Variants in LMNB2 observed in about 807,000 individuals in gnomAD.
LMNB2 encodes lamin-B2.
In LMNB2, 17 loss-of-function variants were observed where a neutral mutation model predicts 69.3. The ratio of observed to expected loss-of-function variants is 0.25; its 90% CI spans 0.17 to 0.37. LMNB2 has a LOEUF of 0.37. LMNB2 is among the 10% of genes least tolerant of loss of function. The pLI is 1.00. For missense variants in LMNB2, 789 were observed against 883.6 expected, an observed-to-expected ratio of 0.89 and a Z score of 1.36; for synonymous variants, 397 against 389.3, an observed-to-expected ratio of 1.02 and a Z score of -0.23.
intron 1 of LMNB2, among the ~76,000 whole-genome samples, chr19:2,455,434 T>A (rs1371763506): frequency 6.6e-6 from 1 of 151,920 alleles, no homozygotes; most frequent in Non-Finnish European, 1.5e-5. Flanking sequence ...CAAGTCTCCT[T>A]GGAATCCTCT....
At chr19:2,437,681 A>G (rs1233018577) in intron 4 of LMNB2, among the ~76,000 whole-genome samples, 2 of 151,842 alleles carry the variant, frequency 1.3e-5, no homozygotes, top group Non-Finnish European at 2.9e-5. Flanking sequence ...CACGCCTATA[A>G]TCCAGCTACT....
intron 8 of LMNB2, among the ~76,000 whole-genome samples, chr19:2,433,123 C>T (rs547396389): frequency 5.0e-4 from 65 of 128,756 alleles, no homozygotes; most frequent in Non-Finnish European, 6.5e-4. Context: ...CCGGCGGCCC[C>T]GTCACCCTGA....
rs1972052590 is a variant in LMNB2, at chr19:2,453,457, C to CT, written c.264+3212_264+3213insA. ...CCATGTGGGCCCACATGACGTCCCCCCACCAGCGGCCCCCACCCCAGCAGG... is the reference window on the plus strand; with the variant it reads ...CCATGTGGGCCCACATGACGTCCCCCTCACCAGCGGCCCCCACCCCAGCAGG... On this transcript the variant is annotated intron_variant, in intron 1 of 11. Coordinates refer to ENST00000325327, the MANE Select transcript of LMNB2 (RefSeq NM_032737.4). The surrounding 1 kb of genome is among the most constrained non-coding windows in gnomAD (Gnocchi z 4.4). Among the ~76,000 whole-genome samples the CT allele has an allele frequency of 6.6e-6, 1 of 152,030 alleles. No individual in the cohort carries two copies. The highest frequency in any genetic ancestry group is 1.5e-5 in the Non-Finnish European group (1 of 67,994).
chr19:2,444,618 G>T, intron 1 of LMNB2, 78 bp from the exon 2 acceptor site: 1 of 1,563,094 alleles, frequency 6.4e-7, no homozygotes, highest in Non-Finnish European at 8.7e-7. Flanking sequence ...CCGGCCACTG[G>T]CCCTGCTCAG....
chr19:2,454,642 C>CA (rs372288480), intron 1 of LMNB2, among the ~76,000 whole-genome samples: 12 of 152,296 alleles, frequency 7.9e-5, no homozygotes, highest in African/African-American at 2.9e-4. Flanking sequence ...CTCTGATCTC[C>CA]AGATGGGCGA....
intron 1 of LMNB2, among the ~76,000 whole-genome samples, chr19:2,448,501 A>G (rs1047439664): frequency 7.9e-5 from 12 of 152,336 alleles, no homozygotes; most frequent in African/African-American, 1.2e-4. Context: ...TGGCAGCCAC[A>G]CGCACAGAGG....
chr19:2,438,577 G>A, intron 2 of LMNB2, 46 bp from the exon 3 acceptor site: 1 of 1,594,118 alleles, frequency 6.3e-7, no homozygotes. Context: ...AAGGTCCATG[G>A]GGCCACAGGG....
At chr19:2,434,241 C>T (rs1380566323) in intron 7 of LMNB2, 54 bp downstream of exon 7, 15 of 1,595,836 alleles carry the variant, frequency 9.4e-6, no homozygotes, top group East Asian at 6.8e-5. Context: ...GCCTCTCCTC[C>T]TGCCCTGCCC....
At chr19:2,450,123 T>C (rs936935211) in intron 1 of LMNB2, among the ~76,000 whole-genome samples, 104 of 135,154 alleles carry the variant, frequency 7.7e-4, no homozygotes, top group South Asian at 9.1e-4. Context: ...TATATACACA[T>C]ATATATATAT....
intron 2 of LMNB2, among the ~76,000 whole-genome samples, chr19:2,439,065 T>A (rs1220600987): frequency 1.6e-4 from 20 of 128,446 alleles, no homozygotes; most frequent in African/African-American, 5.4e-4. Flanking sequence ...TTTTTTTTTT[T>A]AAGAGACAGG....
rs956435408 is a variant in LMNB2, at chr19:2,453,884, T to C, written c.264+2786A>G. On this transcript the variant is annotated intron_variant, in intron 1 of 11. Coordinates refer to ENST00000325327, the MANE Select transcript of LMNB2 (RefSeq NM_032737.4). This position sits in a 1 kb window ranked among gnomAD's most constrained non-coding sequence, Gnocchi z 4.4. ...AAAGACAAGAAACCAGCTCTAACCCTGCACGCCACGGGTCCAGCAGGCGGC... is the reference window on the plus strand; with the variant it reads ...AAAGACAAGAAACCAGCTCTAACCCCGCACGCCACGGGTCCAGCAGGCGGC... 1.3e-5 allele frequency among the ~76,000 whole-genome samples: 2 copies of C among 152,116 alleles called. No individual in the cohort carries two copies. The highest frequency in any genetic ancestry group is 2.9e-5 in the Non-Finnish European group (2 of 68,020).
intron 2 of LMNB2, among the ~76,000 whole-genome samples, chr19:2,441,182 A>G (rs1568205252): frequency 6.6e-6 from 1 of 152,208 alleles, no homozygotes; most frequent in Non-Finnish European, 1.5e-5. Context: ...CGGGGGTCAG[A>G]CAACCAGGTC....
rs1301596158 is a variant in LMNB2, at chr19:2,431,877, G to A, written c.1616C>T (p.Ala539Val). Residue 539 changes from alanine (A) to valine (V), a missense_variant, in exon 10 of 12, where the codon GCC (alanine) becomes GTC (valine). Ala to Val is a moderately conservative substitution (Grantham distance 64, BLOSUM62 0). Around this residue, in one of 3 missense-constraint regions of LMNB2, gnomAD observed 609 missense variants for 630.9 expected, o/e 0.97. Transcript: ENST00000325327. ...VTVWAAGAGVAHSPPSTLVWK... is the reference protein window; with the variant it reads ...VTVWAAGAGVVHSPPSTLVWK... ...CACCAGCGTCGAGGGGGGGCTGTGG[G>A]CCACCCCCGCACCAGCTGCCCACAC... The A allele has an allele frequency of 2.5e-6, 4 of 1,612,568 alleles. No individual in the cohort carries two copies. The South Asian group carries it at 4.4e-5, about 18-fold the overall frequency.
intron 1 of LMNB2, among the ~76,000 whole-genome samples, chr19:2,448,048 G>A (rs1046599784): frequency 1.3e-5 from 2 of 152,170 alleles, no homozygotes; most frequent in South Asian, 2.1e-4. Context: ...ATTGTAGGAC[G>A]GGGACCCACA....
chr19:2,428,281 G>C lies in LMNB2; in HGVS notation c.*2630C>G, dbSNP rs906601992. 1 of 152,038 alleles carries C rather than the reference G, an allele frequency of 6.6e-6. No homozygotes were observed. The highest frequency in any genetic ancestry group is 1.9e-4 in the East Asian group (1 of 5,206). The allele number at this position is 152,038 out of a possible 1,614,324, so 9.4% of individuals were successfully genotyped here. ...TTAGGCATGCATCTTCTTAAAAACCGAATCTCTGAAATGAAAGTCCATGCC... is the reference window on the plus strand; with the variant it reads ...TTAGGCATGCATCTTCTTAAAAACCCAATCTCTGAAATGAAAGTCCATGCC... On this transcript the variant is annotated 3_prime_UTR_variant, in exon 12 of 12. Transcript: ENST00000325327.
rs867814924 is a variant in LMNB2 at position 2,434,028 on chromosome 19, G to A, written c.1280C>T (p.Ala427Val). 1.9e-6 allele frequency: 3 copies of A among 1,604,276 alleles called. No homozygotes were observed. The East Asian group carries it at 6.7e-5, about 36-fold the overall frequency. The change falls in exon 8 of 12, where the codon GCC becomes GTC. Residue 427 changes from alanine (A) to valine (V), a missense_variant. Ala to Val is a moderately conservative substitution (Grantham distance 64). Around this residue, in one of 3 missense-constraint regions of LMNB2, gnomAD observed 609 missense variants for 630.9 expected, o/e 0.97. Coordinates refer to ENST00000325327, the MANE Select transcript of LMNB2 (RefSeq NM_032737.4). ...CTTACTGCGGCCCAGGCGCCCGGTGGCGGACAAGCTGCCGCTGCTGCTCGA... is the reference window on the plus strand; with the variant it reads ...CTTACTGCGGCCCAGGCGCCCGGTGACGGACAAGCTGCCGCTGCTGCTCGA... ...ATSSSSGSLS[A>V]TGRLGRSKRK...
chr19:2,438,011 C>G (rs559217891), intron 4 of LMNB2, 152 bp downstream of exon 4: 2 of 1,157,502 alleles, frequency 1.7e-6, no homozygotes, highest in Admixed American at 1.8e-5. Context: ...GCAGCCGAAG[C>G]CAAGGGCACC....
chr19:2,443,314 G>A lies in LMNB2; in HGVS notation c.401+1090C>T, dbSNP rs1443005506. Among the ~76,000 whole-genome samples the A allele has an allele frequency of 1.3e-5, 2 of 152,216 alleles. No individual in the cohort carries two copies. Among genetic ancestry groups the A allele is most frequent in the Admixed American group, 6.5e-5 (1 of 15,292 alleles). On this transcript the variant is annotated intron_variant, in intron 2 of 11. Transcript: ENST00000325327. This position sits in a 1 kb window ranked among gnomAD's most constrained non-coding sequence, Gnocchi z 6.2. ...GGGAAGGGAAGTCAGCTCTCCACGG[G>A]AGCAGCGCCAGCCCAGGAAGGAGGA... is the stretch of plus-strand genomic sequence containing the variant.
intron 1 of LMNB2, among the ~76,000 whole-genome samples, chr19:2,451,461 A>G (rs1457600153): frequency 2.0e-5 from 3 of 152,188 alleles, no homozygotes; most frequent in African/African-American, 4.8e-5. Context: ...TCTGCTGACC[A>G]TGCCTGGTCT....
Sources: allele counts gnomAD v4.1 joint callset (sites outside exome capture counted in the v4.1 genomes callset), GRCh38; gene constraint gnomAD v4.1.1; regional missense constraint gnomAD v4.1.1; non-coding constraint Gnocchi (gnomAD v3.1); transcripts MANE v1.5; gene names NCBI Gene and HGNC (gene_info 2026-07-23, HGNC 2026-07-21).